The following ABI2 variants were observed in gnomAD, a reference collection of about 807,000 sequenced individuals.
ABI2 encodes abl interactor 2.
A neutral mutation model predicts 59.2 loss-of-function variants in ABI2; 25 were observed. The observed-to-expected ratio is 0.42, with a 90% CI of 0.31 to 0.59. The LOEUF (loss-of-function observed/expected upper bound fraction) is 0.59. ABI2 is among the 20% of genes least tolerant of loss of function. The pLI, the probability that ABI2 is intolerant of heterozygous loss-of-function variation, is 0.14. For synonymous variants in ABI2, 213 were observed against 235.5 expected, an observed-to-expected ratio of 0.90 and a Z score of 0.87; for missense variants, 545 against 681.8, an observed-to-expected ratio of 0.80 and a Z score of 2.23.
chr2:203,427,303 G>A lies in ABI2; in HGVS notation c.1580G>A (p.Gly527Glu). Residue 527 changes from glycine (G) to glutamate (E), a missense_variant, in exon 12 of 12, where the codon GGG becomes GAG. By Grantham distance (98) the Gly-to-Glu change is moderately conservative. Coordinates refer to ENST00000261018, the MANE Select transcript of ABI2 (RefSeq NM_001375670.1). ...GAGGGAGTTATGAATGGAGTGACTGGGCTTTTTCCTGGGAATTACGTTGAG... is the reference window on the plus strand; with the variant it reads ...GAGGGAGTTATGAATGGAGTGACTGAGCTTTTTCCTGGGAATTACGTTGAG... ...WYEGVMNGVT[G>E]LFPGNYVESI... The A allele has an allele frequency of 6.2e-7, 1 of 1,613,982 alleles. No individual in the cohort carries two copies. The highest frequency in any genetic ancestry group is 8.5e-7 in the Non-Finnish European group (1 of 1,179,986).
At chr2:203,405,272 T>C (rs752608656) in intron 9 of ABI2, among the ~76,000 whole-genome samples, 1 of 152,366 alleles carries the variant, frequency 6.6e-6, no homozygotes, top group South Asian at 2.1e-4. Flanking sequence ...GTACTTTTTG[T>C]AAACTAATTT....
At position 203,427,398 on chromosome 2, in the gene ABI2, C is replaced by T; in HGVS notation, c.*46C>T. ...GCCTCACAGGAATAGTCAGGTCTTC[C>T]CAGATTATCTGAAGGCCCTGGGGAT... is the stretch of plus-strand genomic sequence containing the variant. On this transcript the variant is annotated 3_prime_UTR_variant, in exon 12 of 12. Transcript: ENST00000261018. 1 of 1,537,024 alleles carries T rather than the reference C, an allele frequency of 6.5e-7. No homozygotes were observed. Among genetic ancestry groups the T allele is most frequent in the Non-Finnish European group, 8.9e-7 (1 of 1,127,740 alleles).
chr2:203,371,143 C>T (rs912596517), intron 2 of ABI2, among the ~76,000 whole-genome samples: 6 of 152,086 alleles, frequency 3.9e-5, no homozygotes, highest in East Asian at 1.9e-4. Context: ...CTTATTTTTG[C>T]GATTCTCACA....
intron 9 of ABI2, among the ~76,000 whole-genome samples, chr2:203,408,551 A>G (rs989442917): frequency 2.0e-5 from 3 of 151,706 alleles, no homozygotes; most frequent in Non-Finnish European, 4.4e-5. Flanking sequence ...AAAAAAAAAA[A>G]CCTCAGTCTA....
intron 8 of ABI2, among the ~76,000 whole-genome samples, chr2:203,398,026 C>T: frequency 1.3e-5 from 2 of 152,228 alleles, no homozygotes; most frequent in East Asian, 3.8e-4. Flanking sequence ...CAAAGCATAT[C>T]AATCACCGTA....
At chr2:203,355,211 A>G in intron 1 of ABI2, 1 of 401,354 alleles carries the variant, frequency 2.5e-6, no homozygotes, top group Non-Finnish European at 5.2e-6. Context: ...ATACATGGAA[A>G]GTTAAAAAAA....
At chr2:203,409,700 G>A (rs534857609) in intron 9 of ABI2, among the ~76,000 whole-genome samples, 2 of 152,160 alleles carry the variant, frequency 1.3e-5, no homozygotes, top group African/African-American at 2.4e-5. Context: ...GATTTATTAC[G>A]TGCCAGCCAC....
chr2:203,354,614 G>T (rs138211429), intron 1 of ABI2, among the ~76,000 whole-genome samples: 1 of 152,162 alleles, frequency 6.6e-6, no homozygotes, highest in African/African-American at 2.4e-5. Context: ...GGTCAAAGGC[G>T]TAGGACTTTA....
chr2:203,380,330 T>C lies in ABI2; in HGVS notation c.408T>C (p.Tyr136=), dbSNP rs764426893. ...CCAACCTTGAACGACCAGTTCGTTA[T>C]ATTAGAAAACCTATTGACTATACAA... is the stretch of plus-strand genomic sequence containing the variant. ...APANLERPVR[Y]IRKPIDYTIL... is the part of the protein sequence containing the mutation. Residue 136 remains tyrosine (Y), a synonymous_variant, in exon 3 of 12, where the codon TAT becomes TAC. Coordinates refer to ENST00000261018, the MANE Select transcript of ABI2 (RefSeq NM_001375670.1). 2.5e-6 allele frequency: 4 copies of C among 1,607,054 alleles called. No homozygotes were observed. The highest frequency in any genetic ancestry group is 2.5e-6 in the Non-Finnish European group (3 of 1,177,530).
intron 1 of ABI2, among the ~76,000 whole-genome samples, chr2:203,364,295 T>C (rs780928845): frequency 6.6e-6 from 1 of 152,088 alleles, no homozygotes. Context: ...GGTTTCACCA[T>C]GTTGGTCAGG....
At chr2:203,422,632 C>T (rs2098266348) in intron 11 of ABI2, among the ~76,000 whole-genome samples, 1 of 152,116 alleles carries the variant, frequency 6.6e-6, no homozygotes, top group Non-Finnish European at 1.5e-5. Flanking sequence ...AGGTAATCAT[C>T]ATTGCCAAAC....
At chr2:203,378,250 C>T (rs1439424071) in intron 2 of ABI2, among the ~76,000 whole-genome samples, 5 of 151,856 alleles carry the variant, frequency 3.3e-5, no homozygotes, top group Non-Finnish European at 5.9e-5. Flanking sequence ...GTAGCTGGGA[C>T]TACAGGCACC....
At chr2:203,349,658 G>A (rs1331364970) in intron 1 of ABI2, among the ~76,000 whole-genome samples, 1 of 151,504 alleles carries the variant, frequency 6.6e-6, no homozygotes, top group African/African-American at 2.4e-5. Flanking sequence ...GCCTGCCTTG[G>A]CCTCCCAAAG....
intron 2 of ABI2, among the ~76,000 whole-genome samples, chr2:203,371,824 T>A (rs73060623): frequency 6.6e-6 from 1 of 152,158 alleles, no homozygotes; most frequent in Admixed American, 6.5e-5. Context: ...TGTGTCCTTT[T>A]CTGGTAAGTT....
At chr2:203,422,689 A>G (rs1215116388) in intron 11 of ABI2, among the ~76,000 whole-genome samples, 1 of 152,160 alleles carries the variant, frequency 6.6e-6, no homozygotes, top group Non-Finnish European at 1.5e-5. Flanking sequence ...TCAAAAGTAG[A>G]AGGCCAGTTT....
intron 5 of ABI2, among the ~76,000 whole-genome samples, chr2:203,391,952 A>G (rs2096757505): frequency 6.6e-6 from 1 of 152,180 alleles, no homozygotes; most frequent in East Asian, 1.9e-4. Context: ...ATCGTATTAT[A>G]AACTTGACTT....
At chr2:203,427,074 A>T in intron 11 of ABI2, 103 bp from the exon 12 acceptor site, 2 of 960,562 alleles carry the variant, frequency 2.1e-6, no homozygotes, top group South Asian at 1.7e-5. Flanking sequence ...ACCATGTTTG[A>T]GTGCTACAGG....
intron 1 of ABI2, among the ~76,000 whole-genome samples, chr2:203,335,732 C>T (rs2152395777): frequency 6.6e-6 from 1 of 152,166 alleles, no homozygotes; most frequent in East Asian, 1.9e-4. Context: ...AAGTAATATA[C>T]TTTGTAGAAA....
At chr2:203,361,635 C>T (rs2093524841) in intron 1 of ABI2, among the ~76,000 whole-genome samples, 1 of 152,106 alleles carries the variant, frequency 6.6e-6, no homozygotes, top group South Asian at 2.1e-4. Flanking sequence ...AAGGCAGAGC[C>T]TGTTGTGTTG....
Sources: gnomAD v4.1 joint callset for allele counts (sites outside exome capture counted in the v4.1 genomes callset) on GRCh38, gnomAD v4.1.1 for gene constraint, MANE v1.5 for transcripts, NCBI Gene and HGNC (gene_info 2026-07-23, HGNC 2026-07-21) for gene names.